Variants in CLEC4D observed in about 807,000 individuals in gnomAD.
CLEC4D encodes C-type (calcium dependent, carbohydrate-recognition domain) lectin, superfamily member 8.
A neutral mutation model predicts 21.1 loss-of-function variants in CLEC4D; 21 were observed. That is an observed-to-expected ratio of 1.00 (90% CI 0.71 to 1.43). The LOEUF is 1.43. CLEC4D is among the 40% of genes most tolerant of loss of function. The probability of loss-of-function intolerance (pLI) is 0.00; values close to 1 mark genes in which losing one functional copy is unlikely to be tolerated. For synonymous variants in CLEC4D, 85 were observed against 83.1 expected (o/e 1.02, Z -0.12); for missense variants, 289 against 260.7 (o/e 1.11, Z -0.75).
the CLEC4D span, among the ~76,000 whole-genome samples, chr12:8,531,079 C>T: frequency 6.6e-6 from 1 of 152,280 alleles, no homozygotes; most frequent in African/African-American, 2.4e-5. Flanking sequence ...ACCACCCCCA[C>T]GTATGGGCGT....
the CLEC4D span, among the ~76,000 whole-genome samples, chr12:8,529,886 AC>A: frequency 6.6e-6 from 1 of 152,194 alleles, no homozygotes; most frequent in Non-Finnish European, 1.5e-5. Flanking sequence ...TATAGTATAA[AC>A]TTTTGATAGA....
chr12:8,529,352 A>T, the CLEC4D span, among the ~76,000 whole-genome samples: 1 of 152,154 alleles, frequency 6.6e-6, no homozygotes, highest in African/African-American at 2.4e-5. Context: ...TGGTGGCTCA[A>T]GCTTGTAATC....
At chr12:8,525,298 G>A (rs1425253565), downstream of CLEC4D, among the ~76,000 whole-genome samples, 2 of 152,134 alleles carry the variant, frequency 1.3e-5, no homozygotes, top group Non-Finnish European at 2.9e-5. Flanking sequence ...TGACAGTGGG[G>A]TGTTAAAGTC....
rs1441474579 is a variant in CLEC4D at position 8,519,056 on chromosome 12, A to G, written c.280A>G (p.Asn94Asp). 6.2e-7 allele frequency: 1 copy of G among 1,614,174 alleles called. No homozygotes were observed. Among genetic ancestry groups the G allele is most frequent in the South Asian group, 1.1e-5 (1 of 91,080 alleles). The change falls in exon 4 of 6, where the codon AAC (asparagine) becomes GAC (aspartate). Residue 94 changes from asparagine (N) to aspartate (D), a missense_variant. Transcript: ENST00000299665. ...TATTGACTGGAGAGCCTTCCAGTCC[A>G]ACTGCTATTTTCCTCTTACTGACAA... The part of the protein sequence containing the change: ...CPIDWRAFQS[N>D]CYFPLTDNKT...
chr12:8,523,098 A>T (rs1297911555), downstream of CLEC4D, among the ~76,000 whole-genome samples: 1 of 152,184 alleles, frequency 6.6e-6, no homozygotes, highest in Non-Finnish European at 1.5e-5. Flanking sequence ...TGGTTACTGT[A>T]GCCTTATAGT....
chr12:8,520,201 T>C (rs751735755), intron 4 of CLEC4D, 25 bp from the exon 5 acceptor site: 2 of 1,611,676 alleles, frequency 1.2e-6, no homozygotes, highest in African/African-American at 1.3e-5. Context: ...CATGCAACTA[T>C]ATTAAAATTT....
At chr12:8,527,951 C>A in the CLEC4D span, among the ~76,000 whole-genome samples, 1 of 152,206 alleles carries the variant, frequency 6.6e-6, no homozygotes, top group Admixed American at 6.5e-5. Context: ...TCCCTTTCCC[C>A]CATGTGGCTC....
chr12:8,524,701 G>A (rs186956141), downstream of CLEC4D, among the ~76,000 whole-genome samples: 271 of 151,620 alleles, frequency 1.8e-3, 1 homozygote, highest in South Asian at 0.011. Context: ...ATTCTCCTTC[G>A]GCTCTTCTCT....
downstream of CLEC4D, among the ~76,000 whole-genome samples, chr12:8,524,983 T>C (rs1417221920): frequency 6.6e-6 from 1 of 152,258 alleles, no homozygotes; most frequent in Non-Finnish European, 1.5e-5. Flanking sequence ...GAGCAGTTTG[T>C]TCAATTTTCT....
chr12:8,525,001 G>T (rs371057526), downstream of CLEC4D, among the ~76,000 whole-genome samples: 1 of 152,182 alleles, frequency 6.6e-6, no homozygotes, highest in Admixed American at 6.5e-5. Context: ...TCTTGAAATT[G>T]TGTGTTTTTG....
chr12:8,523,853 T>C (rs1940485249), downstream of CLEC4D, among the ~76,000 whole-genome samples: 1 of 152,224 alleles, frequency 6.6e-6, no homozygotes, highest in East Asian at 1.9e-4. Flanking sequence ...AAATAGCTCT[T>C]ATTATTTGAG....
chr12:8,529,542 G>A, the CLEC4D span, among the ~76,000 whole-genome samples: 9 of 152,316 alleles, frequency 5.9e-5, no homozygotes, highest in African/African-American at 2.2e-4. Context: ...TTGAGCCCAG[G>A]AAGTCGAGGC....
At chr12:8,516,790 T>C (rs765513828) in intron 2 of CLEC4D, among the ~76,000 whole-genome samples, 1 of 152,346 alleles carries the variant, frequency 6.6e-6, no homozygotes, top group Admixed American at 6.5e-5. Flanking sequence ...AAATGCATGG[T>C]TGAAAATGCT....
At chr12:8,518,302 TA>T in intron 3 of CLEC4D, 28 bp downstream of exon 3, 1 of 862,002 alleles carries the variant, frequency 1.2e-6, no homozygotes, top group Non-Finnish European at 1.9e-6. Context: ...ATTTCTTTTT[TA>T]ATTTCCATTT....
At chr12:8,530,951 C>T in the CLEC4D span, among the ~76,000 whole-genome samples, 2 of 152,248 alleles carry the variant, frequency 1.3e-5, no homozygotes, top group Middle Eastern at 3.2e-3. Context: ...CTGACCCGCT[C>T]AGGCTCTACC....
At chr12:8,523,748 G>C (rs751728983), downstream of CLEC4D, among the ~76,000 whole-genome samples, 2 of 152,164 alleles carry the variant, frequency 1.3e-5, no homozygotes, top group Non-Finnish European at 2.9e-5. Flanking sequence ...AATAGGAGTG[G>C]TGAGAGAGGA....
intron 5 of CLEC4D, 112 bp from the exon 6 acceptor site, chr12:8,521,012 C>T: frequency 2.2e-6 from 3 of 1,372,290 alleles, no homozygotes; most frequent in Middle Eastern, 2.2e-4. Flanking sequence ...AAACTGTTCA[C>T]TAGGGACATT....
downstream of CLEC4D, among the ~76,000 whole-genome samples, chr12:8,525,964 A>T (rs1440507314): frequency 6.6e-6 from 1 of 152,210 alleles, no homozygotes; most frequent in Non-Finnish European, 1.5e-5. Context: ...TTGACTGGAT[A>T]TGAAATTCCA....
Position 8,521,432 on chromosome 12 carries a change from A to ATGTGTG in CLEC4D, c.*163_*168dup, listed in dbSNP as rs749501338. ...TTTTGTTTGATTCATTCGAGACAAC[A>ATGTGTG]TGTGTGTATGTGTGTGTGTGTGTGT... On this transcript the variant is annotated 3_prime_UTR_variant, in exon 6 of 6. Transcript: ENST00000299665. 15 of 1,364,202 alleles carry ATGTGTG rather than the reference A, an allele frequency of 1.1e-5. No homozygotes were observed. The highest frequency in any genetic ancestry group is 1.4e-5 in the Non-Finnish European group (15 of 1,047,484). 84.5% of individuals were successfully genotyped at this position (1,364,202 alleles called of 1,614,324 possible). A position where few individuals can be genotyped will look rare whatever the true frequency, so the allele number is the denominator to read the frequency against.
Sources: gnomAD v4.1 joint callset for allele counts (sites outside exome capture counted in the v4.1 genomes callset) on GRCh38, gnomAD v4.1.1 for gene constraint, MANE v1.5 for transcripts, NCBI Gene and HGNC (gene_info 2026-07-23, HGNC 2026-07-21) for gene names.